The following GNG4 variants were observed in gnomAD, a reference collection of about 807,000 sequenced individuals.
GNG4 encodes the protein G protein subunit gamma 4.
Under a neutral mutation model 5.8 loss-of-function variants are expected in GNG4, and 4 were observed. The observed-to-expected ratio is 0.69, with a 90% CI of 0.34 to 1.57. The LOEUF is 1.57. GNG4 is among the 40% of genes most tolerant of loss of function. The probability of loss-of-function intolerance (pLI) is 0.06; values close to 1 mark genes in which losing one functional copy is unlikely to be tolerated. For missense variants in GNG4, 96 were observed against 95.1 expected (o/e 1.01, Z -0.04); for synonymous variants, 29 against 32.9 (o/e 0.88, Z 0.41).
chr1:235,595,608 C>T (rs1198181333), intron 1 of GNG4, 97 bp from the exon 2 acceptor site: 1 of 152,448 alleles, frequency 6.6e-6, no homozygotes, highest in Non-Finnish European at 1.5e-5. Flanking sequence ...CCCCTCTCCT[C>T]AAACTCAGCA....
chr1:235,566,345 C>T (rs556213953), intron 3 of GNG4: 18 of 155,752 alleles, frequency 1.2e-4, no homozygotes, highest in Non-Finnish European at 2.4e-4. Flanking sequence ...CAGCGGAGGC[C>T]TTAGATTCCC....
At chr1:235,596,212 ACACACACACACACACACAC>A (rs1688121451) in intron 1 of GNG4, among the ~76,000 whole-genome samples, 1 of 105,454 alleles carries the variant, frequency 9.5e-6, no homozygotes, top group African/African-American at 8.0e-5. Flanking sequence ...AACAAAATAC[ACACACACACACACACACAC>A]ACACACACAC....
At chr1:235,605,683 G>T (rs569671099) in intron 1 of GNG4, among the ~76,000 whole-genome samples, 6 of 152,260 alleles carry the variant, frequency 3.9e-5, no homozygotes, top group South Asian at 2.1e-4. Flanking sequence ...TGATCAGAGA[G>T]GGGGAGTTCC....
Position 235,549,287 on chromosome 1 carries a change from AG to A in GNG4, c.*2821del, listed in dbSNP as rs1686674905. 2 of 152,430 alleles carry A rather than the reference AG, an allele frequency of 1.3e-5. No homozygotes were observed. Among genetic ancestry groups the A allele is most frequent in the Non-Finnish European group, 2.9e-5 (2 of 68,118 alleles). 9.4% of individuals were successfully genotyped at this position (152,430 alleles called of 1,614,324 possible). A position where few individuals can be genotyped will look rare whatever the true frequency, so the allele number is the denominator to read the frequency against. On this transcript the variant is annotated 3_prime_UTR_variant, in exon 4 of 4. Transcript: ENST00000391854. ...TCCCCAAATGCCATAGGTCTGGAAG[AG>A]GTGCAGTAAAAGGACAGAAAAGCAT... is the stretch of plus-strand genomic sequence containing the variant.
At chr1:235,623,756 C>T (rs1688755439) in intron 1 of GNG4, among the ~76,000 whole-genome samples, 1 of 152,190 alleles carries the variant, frequency 6.6e-6, no homozygotes, top group Non-Finnish European at 1.5e-5. Context: ...GGGGGTGCCT[C>T]CGCCACAGCA....
chr1:235,618,654 C>CT (rs1241039542), intron 1 of GNG4, among the ~76,000 whole-genome samples: 3 of 149,900 alleles, frequency 2.0e-5, no homozygotes, highest in Admixed American at 6.6e-5. Flanking sequence ...AATTTTTAAT[C>CT]TTTTTGTTTT....
chr1:235,582,145 G>C (rs73118796), intron 3 of GNG4, among the ~76,000 whole-genome samples: 1 of 152,046 alleles, frequency 6.6e-6, no homozygotes, highest in African/African-American at 2.4e-5. Context: ...GCTCCACACT[G>C]TACCCGATTT....
intron 3 of GNG4, among the ~76,000 whole-genome samples, chr1:235,583,252 G>T (rs1338846706): frequency 1.3e-5 from 2 of 152,154 alleles, no homozygotes; most frequent in Non-Finnish European, 2.9e-5. Context: ...GGAGAGACCT[G>T]CACTCATCAG....
intron 1 of GNG4, among the ~76,000 whole-genome samples, chr1:235,620,624 C>A (rs1036589890): frequency 6.6e-6 from 1 of 152,056 alleles, no homozygotes; most frequent in Non-Finnish European, 1.5e-5. Flanking sequence ...CAAGCTCCGC[C>A]TCCCGCGTTC....
At chr1:235,557,777 T>A (rs1447722785) in intron 3 of GNG4, among the ~76,000 whole-genome samples, 1 of 152,170 alleles carries the variant, frequency 6.6e-6, no homozygotes, top group Admixed American at 6.5e-5. Context: ...TCAAAAAATG[T>A]CGGGGCTTCG....
At chr1:235,577,996 C>T (rs753965987) in intron 3 of GNG4, among the ~76,000 whole-genome samples, 2 of 152,124 alleles carry the variant, frequency 1.3e-5, no homozygotes, top group Non-Finnish European at 2.9e-5. Context: ...TGACAGCTCC[C>T]CTTTCTTTCC....
intron 3 of GNG4, among the ~76,000 whole-genome samples, chr1:235,577,311 A>G: frequency 6.6e-6 from 1 of 151,986 alleles, no homozygotes; most frequent in Non-Finnish European, 1.5e-5. Flanking sequence ...GATTCCTACC[A>G]TGGACCCTCC....
intron 3 of GNG4, among the ~76,000 whole-genome samples, chr1:235,582,664 CCCT>C (rs373063606): frequency 2.6e-5 from 4 of 152,298 alleles, no homozygotes; most frequent in African/African-American, 7.2e-5. Flanking sequence ...TAAACTTGCT[CCCT>C]CCTCTAGTCT....
At chr1:235,558,960 G>C (rs957875059) in intron 3 of GNG4, among the ~76,000 whole-genome samples, 2 of 152,310 alleles carry the variant, frequency 1.3e-5, no homozygotes. Context: ...ACGTAATCCT[G>C]TTAGTTGCAC....
chr1:235,603,824 C>T (rs142514537), intron 1 of GNG4, among the ~76,000 whole-genome samples: 29 of 152,302 alleles, frequency 1.9e-4, no homozygotes, highest in African/African-American at 7.0e-4. Flanking sequence ...CTGCTGGTCA[C>T]CTGTCACCTT....
chr1:235,632,665 G>A (rs558740369), intron 1 of GNG4, among the ~76,000 whole-genome samples: 1 of 152,098 alleles, frequency 6.6e-6, no homozygotes, highest in East Asian at 1.9e-4. Context: ...ACTGTCTGTC[G>A]TCTTCCTGCC....
At chr1:235,588,571 G>A (rs531567251) in intron 2 of GNG4, among the ~76,000 whole-genome samples, 5 of 152,130 alleles carry the variant, frequency 3.3e-5, no homozygotes, top group Non-Finnish European at 7.4e-5. Flanking sequence ...CACTCACGAA[G>A]GGGCTGCTCA....
intron 1 of GNG4, among the ~76,000 whole-genome samples, chr1:235,623,180 C>T (rs1439220022): frequency 1.3e-5 from 2 of 152,122 alleles, no homozygotes; most frequent in African/African-American, 2.4e-5. Context: ...GGAGATTTAG[C>T]CTGCATGCAG....
At chr1:235,640,195 AAC>A (rs1657280264) in intron 1 of GNG4, among the ~76,000 whole-genome samples, 1 of 152,094 alleles carries the variant, frequency 6.6e-6, no homozygotes, top group African/African-American at 2.4e-5. Context: ...ACGGTGGTCA[AAC>A]CCTCACAGCC....
Sources: gnomAD v4.1 joint callset for allele counts (sites outside exome capture counted in the v4.1 genomes callset) on GRCh38, gnomAD v4.1.1 for gene constraint, MANE v1.5 for transcripts, NCBI Gene and HGNC (gene_info 2026-07-23, HGNC 2026-07-21) for gene names.